The following MCTP2 variants were observed in gnomAD, a reference collection of about 807,000 sequenced individuals.
MCTP2 encodes multiple C2 and transmembrane domain containing 2.
Under a neutral mutation model 111.6 loss-of-function variants are expected in MCTP2, and 132 were observed. The observed-to-expected ratio is 1.18, with a 90% CI of 1.03 to 1.37. The LOEUF (loss-of-function observed/expected upper bound fraction) is 1.37, where lower values mean the gene tolerates loss of function less well. MCTP2 is among the 40% of genes most tolerant of loss of function. The pLI is 0.00. For missense variants in MCTP2, 1,183 were observed against 1,067.9 expected (o/e 1.11, Z -1.50); for synonymous variants, 395 against 387.7 (o/e 1.02, Z -0.22).
chr15:94,308,142 AC>A (rs2075970348), intron 2 of MCTP2, among the ~76,000 whole-genome samples: 1 of 152,074 alleles, frequency 6.6e-6, no homozygotes, highest in African/African-American at 2.4e-5. Flanking sequence ...TTCAGTAAAT[AC>A]CCTCTGAGTG....
chr15:94,368,528 G>A (rs1230949782), intron 11 of MCTP2, among the ~76,000 whole-genome samples: 1 of 152,154 alleles, frequency 6.6e-6, no homozygotes, highest in Non-Finnish European at 1.5e-5. Context: ...CCTATTCAAT[G>A]GCACTATCAT....
At chr15:94,400,509 T>A (rs537305618) in intron 16 of MCTP2, among the ~76,000 whole-genome samples, 17 of 152,222 alleles carry the variant, frequency 1.1e-4, no homozygotes, top group African/African-American at 4.1e-4. Flanking sequence ...CCATACTGAA[T>A]GCAAGTTCTC....
intron 19 of MCTP2, among the ~76,000 whole-genome samples, chr15:94,443,517 T>C (rs945049754): frequency 6.6e-6 from 1 of 152,240 alleles, no homozygotes; most frequent in South Asian, 2.1e-4. Context: ...AATGAGATGC[T>C]ACTAGCTTAA....
chr15:94,244,157 T>G (rs1172936094), intron 1 of MCTP2, among the ~76,000 whole-genome samples: 2 of 147,242 alleles, frequency 1.4e-5, no homozygotes, highest in Non-Finnish European at 3.0e-5. Context: ...TATATGTTTA[T>G]ATACACGTGT....
chr15:94,282,161 C>T (rs561934627), intron 1 of MCTP2, among the ~76,000 whole-genome samples: 2 of 152,280 alleles, frequency 1.3e-5, no homozygotes, highest in South Asian at 4.2e-4. Flanking sequence ...CTTTCTAACT[C>T]TGTGTCTTTC....
intron 1 of MCTP2, among the ~76,000 whole-genome samples, chr15:94,250,959 A>G (rs577244395): frequency 1.3e-5 from 2 of 152,370 alleles, no homozygotes; most frequent in Admixed American, 1.3e-4. Flanking sequence ...GAAGCAATAC[A>G]TTGATATCTA....
At chr15:94,380,039 C>G (rs2152450942) in intron 12 of MCTP2, among the ~76,000 whole-genome samples, 1 of 151,960 alleles carries the variant, frequency 6.6e-6, no homozygotes, top group Admixed American at 6.6e-5. Context: ...TTAAGAATCG[C>G]CTCCACTAAG....
At chr15:94,327,139 G>A (rs1257005355) in intron 4 of MCTP2, among the ~76,000 whole-genome samples, 1 of 152,090 alleles carries the variant, frequency 6.6e-6, no homozygotes, top group Non-Finnish European at 1.5e-5. Context: ...TTTCTGGAAA[G>A]TGTCATTTTT....
At chr15:94,442,824 G>C in intron 18 of MCTP2, 95 bp from the exon 19 acceptor site, 2 of 1,005,450 alleles carry the variant, frequency 2.0e-6, no homozygotes, top group South Asian at 2.7e-5. Flanking sequence ...ATAAATGCTT[G>C]AAGTCTGTAG....
intron 1 of MCTP2, among the ~76,000 whole-genome samples, chr15:94,284,633 A>G (rs1285694960): frequency 6.6e-6 from 1 of 152,210 alleles, no homozygotes; most frequent in African/African-American, 2.4e-5. Context: ...TATATAATAG[A>G]ATATGTGGAT....
chr15:94,426,203 A>G (rs1294468492), intron 17 of MCTP2, among the ~76,000 whole-genome samples: 2 of 151,736 alleles, frequency 1.3e-5, no homozygotes, highest in South Asian at 2.1e-4. Flanking sequence ...TAGTCATCCT[A>G]TTTGGCATTC....
At chr15:94,253,588 A>G (rs192359163) in intron 1 of MCTP2, among the ~76,000 whole-genome samples, 1 of 152,142 alleles carries the variant, frequency 6.6e-6, no homozygotes, top group Admixed American at 6.5e-5. Context: ...TAGATCACAC[A>G]ACACTGTTGG....
Position 94,418,040 on chromosome 15 carries a change from C to G in MCTP2, c.2085+16021C>G, listed in dbSNP as rs77979393. ...CACTAATGCTAATTAGATACACTTG[C>G]TTTATTACCCAGAGCATTTTTTTCT... On this transcript the variant is annotated intron_variant, in intron 17 of 22. Coordinates refer to ENST00000357742, the MANE Select transcript of MCTP2 (RefSeq NM_001385001.1). Among the ~76,000 whole-genome samples the G allele has an allele frequency of 7.9e-3, 1,198 of 152,192 alleles. 11 individuals carry two copies. Among genetic ancestry groups the G allele is most frequent in the African/African-American group, 0.028 (1,150 of 41,534 alleles).
intron 4 of MCTP2, among the ~76,000 whole-genome samples, chr15:94,325,817 T>G (rs1411604911): frequency 5.2e-5 from 3 of 57,568 alleles, no homozygotes; most frequent in Non-Finnish European, 9.6e-5. Context: ...CTCCGATTTT[T>G]TTTTTTTTTT....
intron 1 of MCTP2, among the ~76,000 whole-genome samples, chr15:94,257,616 T>C (rs2072902635): frequency 8.8e-6 from 1 of 113,882 alleles, no homozygotes; most frequent in Non-Finnish European, 1.7e-5. Flanking sequence ...AGACGGAGTC[T>C]TGCTCTGTCA....
intron 12 of MCTP2, among the ~76,000 whole-genome samples, chr15:94,375,252 C>A (rs2079702268): frequency 6.6e-6 from 1 of 152,098 alleles, no homozygotes; most frequent in South Asian, 2.1e-4. Flanking sequence ...TAGCGCTAAA[C>A]CATTCATGAA....
intron 10 of MCTP2, among the ~76,000 whole-genome samples, chr15:94,366,137 A>C (rs2079170251): frequency 6.6e-6 from 1 of 152,190 alleles, no homozygotes; most frequent in Non-Finnish European, 1.5e-5. Context: ...ATATTTATTA[A>C]CCTATATTTT....
At chr15:94,477,779 C>G (rs1050791990) in intron 22 of MCTP2, among the ~76,000 whole-genome samples, 1 of 152,188 alleles carries the variant, frequency 6.6e-6, no homozygotes, top group Non-Finnish European at 1.5e-5. Flanking sequence ...GTGATGCTAT[C>G]TTCCTTTAAA....
At chr15:94,348,256 C>T (rs914129677) in intron 8 of MCTP2, among the ~76,000 whole-genome samples, 3 of 151,396 alleles carry the variant, frequency 2.0e-5, no homozygotes, top group Admixed American at 6.6e-5. Context: ...TCTCTAGGCA[C>T]TCCTATCAGC....
Sources: allele counts gnomAD v4.1 joint callset (sites outside exome capture counted in the v4.1 genomes callset), GRCh38; gene constraint gnomAD v4.1.1; transcripts MANE v1.5; gene names NCBI Gene and HGNC (gene_info 2026-07-23, HGNC 2026-07-21).